Variants in CRYBG1 observed in about 807,000 individuals in gnomAD.
CRYBG1 encodes the protein crystallin beta-gamma domain containing 1.
CRYBG1 carries 139 observed loss-of-function variants against 189.2 expected under a neutral mutation model. The ratio of observed to expected loss-of-function variants is 0.73; its 90% CI spans 0.64 to 0.85. The LOEUF is 0.85. CRYBG1 is among the 40% of genes least tolerant of loss of function. The pLI, the probability that CRYBG1 is intolerant of heterozygous loss-of-function variation, is 0.00. For synonymous variants in CRYBG1, 1,023 were observed against 1,017.1 expected (o/e 1.01, Z -0.11); for missense variants, 2,611 against 2,675.8 (o/e 0.98, Z 0.53).
intron 1 of CRYBG1, among the ~76,000 whole-genome samples, chr6:106,450,481 T>C (rs1386736345): frequency 1.3e-5 from 2 of 152,236 alleles, no homozygotes; most frequent in Admixed American, 1.3e-4. Flanking sequence ...TGCTCTGGCA[T>C]CTTTATTCCT....
Position 106,519,845 on chromosome 6 carries a change from C to A in CRYBG1, c.2637C>A (p.Pro879=). 6.2e-7 allele frequency: 1 copy of A among 1,614,194 alleles called. No individual in the cohort carries two copies. Among genetic ancestry groups the A allele is most frequent in the Non-Finnish European group, 8.5e-7 (1 of 1,180,040 alleles). Residue 879 remains proline (P), a synonymous_variant, in exon 4 of 22, where the codon CCC becomes CCA. Transcript: ENST00000633556. ...GGCCTTCTCTTTCACTGTCTGCACC[C>A]GCTCCTGGGGATGTTCCCAAAGACA... ...SPGPSLSLSA[P]APGDVPKDTC...
chr6:106,404,922 A>G (rs1770793862), intron 1 of CRYBG1, among the ~76,000 whole-genome samples: 1 of 152,056 alleles, frequency 6.6e-6, no homozygotes, highest in African/African-American at 2.4e-5. Context: ...CTACACCACC[A>G]GGACCTTGGG....
intron 20 of CRYBG1, among the ~76,000 whole-genome samples, chr6:106,562,362 A>G (rs1377807508): frequency 6.6e-6 from 1 of 152,210 alleles, no homozygotes; most frequent in Non-Finnish European, 1.5e-5. Flanking sequence ...ATCCAAGAAA[A>G]TGGTGTCTTT....
chr6:106,454,242 A>G (rs1771840852), intron 2 of CRYBG1, among the ~76,000 whole-genome samples: 2 of 152,128 alleles, frequency 1.3e-5, no homozygotes, highest in South Asian at 2.1e-4. Context: ...GGGAGGAGGC[A>G]AGAGGCAGTA....
At chr6:106,370,894 T>C (rs776265809) in intron 1 of CRYBG1, among the ~76,000 whole-genome samples, 2 of 152,182 alleles carry the variant, frequency 1.3e-5, no homozygotes, top group Non-Finnish European at 2.9e-5. Flanking sequence ...TGAGACTGTC[T>C]GATCCCTAGA....
rs185904343 is a variant in CRYBG1 at position 106,524,983 on chromosome 6, T to C, written c.4246-150T>C. On this transcript the variant is annotated intron_variant, in intron 4 of 21. Transcript: ENST00000633556. ...TTAAAAGCATAAACTCAAAGAGTTT[T>C]AATACAACTTTAGCATCCATTAGAG... 1.1e-3 allele frequency: 794 copies of C among 745,058 alleles called. 6 individuals carry two copies. In the African/African-American group the frequency reaches 0.012, roughly 11 times the overall value. The allele number at this position is 745,058 out of a possible 1,614,324, so 46.2% of individuals were successfully genotyped here. A position where few individuals can be genotyped will look rare whatever the true frequency, so the allele number is the denominator to read the frequency against.
intron 20 of CRYBG1, among the ~76,000 whole-genome samples, chr6:106,561,802 T>C (rs1199129314): frequency 6.6e-6 from 1 of 152,306 alleles, no homozygotes; most frequent in East Asian, 1.9e-4. Flanking sequence ...AATGTAACTG[T>C]TACAGAAACA....
At chr6:106,462,273 C>T (rs987232223) in intron 2 of CRYBG1, among the ~76,000 whole-genome samples, 1 of 152,180 alleles carries the variant, frequency 6.6e-6, no homozygotes, top group Non-Finnish European at 1.5e-5. Context: ...CGGGTTCACG[C>T]CATTCTCCCG....
Position 106,521,084 on chromosome 6 carries a change from G to A in CRYBG1, c.3876G>A (p.Pro1292=), listed in dbSNP as rs199971648. The A allele has an allele frequency of 9.3e-6, 15 of 1,614,136 alleles. No individual in the cohort carries two copies. The highest frequency in any genetic ancestry group is 3.3e-5 in the Admixed American group (2 of 60,020). The change falls in exon 4 of 22, where the codon CCG becomes CCA. Residue 1292 remains proline (P), a synonymous_variant. Coordinates refer to ENST00000633556, the MANE Select transcript of CRYBG1 (RefSeq NM_001371242.2). ...CACAGCCCACGACTGAGGGTGCCCC[G>A]CCCTGTGGTTTGAACAAAGAACAGT... is the stretch of plus-strand genomic sequence containing the variant. ...SVSQPTTEGA[P]PCGLNKEQSN... is the part of the protein sequence containing the mutation.
In CRYBG1 at chr6:106,530,253, T is replaced by G; in HGVS notation, c.4656T>G (p.Thr1552=). 6.2e-7 allele frequency: 1 copy of G among 1,613,922 alleles called. No homozygotes were observed. Among genetic ancestry groups the G allele is most frequent in the East Asian group, 2.2e-5 (1 of 44,844 alleles). Reference sequence around the variant, plus strand: ...TCCTAAGTTCCTACTTTGATGATACTGAAGAAATGCAGGGATTTGGTGTAA... The same window carrying G: ...TCCTAAGTTCCTACTTTGATGATACGGAAGAAATGCAGGGATTTGGTGTAA... The part of the protein sequence containing the change: ...LGILSSYFDD[T]EEMQGFGVMQ... Residue 1552 remains threonine, a synonymous_variant, in exon 8 of 22, where the codon ACT becomes ACG. Transcript: ENST00000633556.
chr6:106,527,441 G>A lies in CRYBG1; in HGVS notation c.4549G>A (p.Val1517Met). The stretch of plus-strand genomic sequence containing the variant: ...AGAAGCAGAGTCTGATAAGCCAGTG[G>A]TGATTGGTTCCATCAGACATGTGGT... ...HEEAESDKPV[V>M]IGSIRHVVQD... The change falls in exon 7 of 22, where the codon GTG (valine) becomes ATG (methionine). Residue 1517 changes from valine (V) to methionine (M), a missense_variant. Around this residue, in one of 3 missense-constraint regions of CRYBG1, gnomAD observed 1,622 missense variants for 1,735.0 expected, o/e 0.93. Transcript: ENST00000633556. 6.2e-7 allele frequency: 1 copy of A among 1,612,730 alleles called. No homozygotes were observed. Among genetic ancestry groups the A allele is most frequent in the Non-Finnish European group, 8.5e-7 (1 of 1,179,196 alleles).
intron 1 of CRYBG1, 30 bp downstream of exon 1, chr6:106,361,111 C>T (rs1422963456): frequency 6.5e-7 from 1 of 1,528,670 alleles, no homozygotes; most frequent in Admixed American, 2.0e-5. Context: ...CCTCCAGTCC[C>T]ACCTCCTCCT....
Position 106,570,953 on chromosome 6 carries a change from A to G in CRYBG1, c.*2387A>G, listed in dbSNP as rs1775042379. On this transcript the variant is annotated 3_prime_UTR_variant, in exon 22 of 22. Transcript: ENST00000633556. ...TGAGGATGAGTATATTAGGAAGTAA[A>G]AACACTTACCGTAAATGAATATTCG... The G allele has an allele frequency of 6.6e-6, 1 of 152,238 alleles. No homozygotes were observed. The highest frequency in any genetic ancestry group is 2.1e-4 in the South Asian group (1 of 4,836). 9.4% of individuals were successfully genotyped at this position (152,238 alleles called of 1,614,324 possible).
chr6:106,537,502 A>G (rs1459257736), intron 8 of CRYBG1, among the ~76,000 whole-genome samples: 2 of 152,214 alleles, frequency 1.3e-5, no homozygotes, highest in African/African-American at 4.8e-5. Flanking sequence ...AAAGTACCCT[A>G]TTCTTAGCGT....
At chr6:106,427,907 G>A (rs1047805064) in intron 1 of CRYBG1, among the ~76,000 whole-genome samples, 5 of 152,070 alleles carry the variant, frequency 3.3e-5, no homozygotes, top group Non-Finnish European at 5.9e-5. Flanking sequence ...GGACCGCATC[G>A]AGCTCAAGCC....
At chr6:106,539,864 T>C (rs1774090948) in intron 9 of CRYBG1, among the ~76,000 whole-genome samples, 1 of 152,206 alleles carries the variant, frequency 6.6e-6, no homozygotes, top group Non-Finnish European at 1.5e-5. Context: ...AGGACAAAGA[T>C]ACATACAATT....
rs544045692 is a variant in CRYBG1, at chr6:106,487,969, T to G, written c.313-23461T>G. Among the ~76,000 whole-genome samples, 13 of 152,258 alleles carry G rather than the reference T, an allele frequency of 8.5e-5. No individual in the cohort carries two copies. In the East Asian group the frequency reaches 2.1e-3, roughly 25 times the overall value. On this transcript the variant is annotated intron_variant, in intron 2 of 21. Transcript: ENST00000633556. ...GGAGTGGCTTCTATAGGAAGAGGCT[T>G]TTTCCTATACCTGGGTCTAGGGTGT...
intron 1 of CRYBG1, among the ~76,000 whole-genome samples, chr6:106,380,848 C>A (rs929988754): frequency 2.0e-5 from 3 of 152,156 alleles, no homozygotes; most frequent in Non-Finnish European, 2.9e-5. Flanking sequence ...AAATTGAATT[C>A]ATTCCAGTGA....
At position 106,512,725 on chromosome 6, in the gene CRYBG1, C is replaced by T; in HGVS notation, c.1608C>T (p.Pro536=). 6.4e-7 allele frequency: 1 copy of T among 1,559,288 alleles called. No homozygotes were observed. The highest frequency in any genetic ancestry group is 8.7e-7 in the Non-Finnish European group (1 of 1,152,522). ...CGCCCGCCAGCGGCCCCCGGGCTCCCGCCAAGGAGTCCCCACCCAAGAGGG... is the reference window on the plus strand; with the variant it reads ...CGCCCGCCAGCGGCCCCCGGGCTCCTGCCAAGGAGTCCCCACCCAAGAGGG... The part of the protein sequence containing the change: ...PAPPASGPRA[P]AKESPPKRVP... The change falls in exon 3 of 22, where the codon CCC becomes CCT. Residue 536 remains proline (P), a synonymous_variant. Coordinates refer to ENST00000633556, the MANE Select transcript of CRYBG1 (RefSeq NM_001371242.2).
Sources: allele counts gnomAD v4.1 joint callset (sites outside exome capture counted in the v4.1 genomes callset), GRCh38; gene constraint gnomAD v4.1.1; regional missense constraint gnomAD v4.1.1; transcripts MANE v1.5; gene names NCBI Gene and HGNC (gene_info 2026-07-23, HGNC 2026-07-21).